The following LIN52 variants were observed in gnomAD, a reference collection of about 807,000 sequenced individuals.
LIN52 encodes the protein lin-52 DREAM MuvB core complex component, also known as protein lin-52 homolog.
A neutral mutation model predicts 18.5 loss-of-function variants in LIN52; 4 were observed. The observed-to-expected ratio is 0.22, with a 90% confidence interval of 0.11 to 0.49. The LOEUF (loss-of-function observed/expected upper bound fraction) is 0.49. Among genes scored for constraint, LIN52 ranks in the 20% least tolerant of loss-of-function variants. The pLI, the probability that LIN52 is intolerant of heterozygous loss-of-function variation, is 0.97. For missense variants in LIN52, 102 were observed against 139.5 expected, an observed-to-expected ratio of 0.73 and a Z score of 1.35; for synonymous variants, 34 against 45.5, an observed-to-expected ratio of 0.75 and a Z score of 1.02.
chr14:74,144,446 T>G (rs2061145743), intron 5 of LIN52, among the ~76,000 whole-genome samples: 1 of 152,092 alleles, frequency 6.6e-6, no homozygotes, highest in African/African-American at 2.4e-5. Flanking sequence ...TTTTAAACCA[T>G]CACATTATTT....
intron 5 of LIN52, among the ~76,000 whole-genome samples, chr14:74,185,535 A>G (rs569531965): frequency 2.0e-5 from 3 of 151,890 alleles, no homozygotes; most frequent in South Asian, 4.2e-4. Context: ...GGATGGTCTC[A>G]ATCTCCTGAC....
chr14:74,197,979 G>C (rs1053367671), intron 5 of LIN52, among the ~76,000 whole-genome samples: 1 of 152,170 alleles, frequency 6.6e-6, no homozygotes, highest in African/African-American at 2.4e-5. Flanking sequence ...GTGTTCTTGG[G>C]AGACCACACA....
At chr14:74,087,215 A>T (rs2060738983) in intron 1 of LIN52, among the ~76,000 whole-genome samples, 2 of 151,964 alleles carry the variant, frequency 1.3e-5, no homozygotes, top group Non-Finnish European at 2.9e-5. Context: ...GGAGATCGAG[A>T]CCATCCTGGC....
At chr14:74,173,606 A>G (rs1355304702) in intron 5 of LIN52, among the ~76,000 whole-genome samples, 2 of 152,224 alleles carry the variant, frequency 1.3e-5, no homozygotes, top group Non-Finnish European at 2.9e-5. Flanking sequence ...TAATCTACTT[A>G]TTTTAAATCT....
At chr14:74,092,955 G>A (rs1183120190) in intron 2 of LIN52, among the ~76,000 whole-genome samples, 1 of 149,854 alleles carries the variant, frequency 6.7e-6, no homozygotes, top group Non-Finnish European at 1.5e-5. Context: ...GTTTGTTTGT[G>A]TATTTATTTA....
intron 5 of LIN52, among the ~76,000 whole-genome samples, chr14:74,120,953 T>C (rs1228727563): frequency 6.6e-6 from 1 of 152,032 alleles, no homozygotes; most frequent in Non-Finnish European, 1.5e-5. Flanking sequence ...GGTATGCACC[T>C]GTAGTTTCAG....
intron 5 of LIN52, among the ~76,000 whole-genome samples, chr14:74,113,034 A>G (rs1162647040): frequency 6.6e-6 from 1 of 151,320 alleles, no homozygotes; most frequent in Non-Finnish European, 1.5e-5. Flanking sequence ...CAGAGAAGGC[A>G]ATTAGTGATG....
intron 5 of LIN52, among the ~76,000 whole-genome samples, chr14:74,115,322 T>G (rs187219415): frequency 6.6e-5 from 10 of 152,254 alleles, no homozygotes; most frequent in Non-Finnish European, 1.5e-4. Context: ...CTTGTTCTAA[T>G]GTTCATTTCT....
At chr14:74,085,061 T>C (rs2060715815) in intron 1 of LIN52, 68 bp downstream of exon 1, 2 of 1,258,740 alleles carry the variant, frequency 1.6e-6, no homozygotes, top group Non-Finnish European at 2.1e-6. Flanking sequence ...ATCCACTCTG[T>C]CTCTGCCCCT....
At chr14:74,134,387 T>C (rs1379468751) in intron 5 of LIN52, among the ~76,000 whole-genome samples, 1 of 152,084 alleles carries the variant, frequency 6.6e-6, no homozygotes, top group Non-Finnish European at 1.5e-5. Flanking sequence ...GTAGGAATGG[T>C]GGGATAGGAA....
intron 5 of LIN52, among the ~76,000 whole-genome samples, chr14:74,150,936 A>G (rs1454531234): frequency 1.3e-5 from 2 of 152,182 alleles, no homozygotes; most frequent in Non-Finnish European, 2.9e-5. Flanking sequence ...GGCCTTATAT[A>G]ATGGGATACG....
At chr14:74,094,733 C>CT (rs61367762) in intron 2 of LIN52, among the ~76,000 whole-genome samples, 25,839 of 146,970 alleles carry the variant, frequency 0.18, 2,698 homozygotes, top group East Asian at 0.58. Context: ...TGAGATTGAA[C>CT]TTTTTTTTTT....
At chr14:74,099,764 T>G (rs776417339) in intron 4 of LIN52, among the ~76,000 whole-genome samples, 2 of 152,206 alleles carry the variant, frequency 1.3e-5, no homozygotes, top group Non-Finnish European at 2.9e-5. Flanking sequence ...GAGTCAAAGC[T>G]GTCCTCTTGC....
chr14:74,159,915 C>G (rs2061217131), intron 5 of LIN52, among the ~76,000 whole-genome samples: 1 of 152,172 alleles, frequency 6.6e-6, no homozygotes, highest in African/African-American at 2.4e-5. Flanking sequence ...TACCATACAG[C>G]AAGCGTTCTC....
At chr14:74,125,877 G>A (rs1248697004) in intron 5 of LIN52, among the ~76,000 whole-genome samples, 4 of 134,788 alleles carry the variant, frequency 3.0e-5, no homozygotes, top group African/African-American at 1.1e-4. Flanking sequence ...ATCACACACC[G>A]GGGCCTGTTG....
chr14:74,113,306 G>A (rs1169198629), intron 5 of LIN52, among the ~76,000 whole-genome samples: 4 of 152,012 alleles, frequency 2.6e-5, no homozygotes, highest in African/African-American at 9.7e-5. Context: ...GCAGGAGAAT[G>A]ACTTGAATCT....
chr14:74,090,844 A>G (rs1237548203), intron 1 of LIN52, among the ~76,000 whole-genome samples: 1 of 152,200 alleles, frequency 6.6e-6, no homozygotes, highest in Non-Finnish European at 1.5e-5. Context: ...GAAAGATGAT[A>G]TGCAAATGAT....
chr14:74,102,498 A>G (rs908273535), intron 5 of LIN52, among the ~76,000 whole-genome samples: 2 of 152,202 alleles, frequency 1.3e-5, no homozygotes, highest in African/African-American at 4.8e-5. Flanking sequence ...TTTATTTCTT[A>G]TGATTAAAGT....
chr14:74,114,206 G>GTT (rs2060949772), intron 5 of LIN52: 5 of 983,040 alleles, frequency 5.1e-6, no homozygotes, highest in Non-Finnish European at 4.8e-6. Context: ...GTGTGTGTGT[G>GTT]TGTGTGTAGT....
Sources: allele counts gnomAD v4.1 joint callset (sites outside exome capture counted in the v4.1 genomes callset), GRCh38; gene constraint gnomAD v4.1.1; transcripts MANE v1.5; gene names NCBI Gene and HGNC (gene_info 2026-07-23, HGNC 2026-07-21).